Variants in DZIP1L observed in about 807,000 individuals in gnomAD.
DZIP1L encodes DAZ interacting zinc finger protein 1 like, also known as cilium assembly protein DZIP1L.
In DZIP1L, 90 loss-of-function variants were observed where a neutral mutation model predicts 88.7. The observed-to-expected ratio is 1.02, with a 90% CI of 0.86 to 1.21. The LOEUF is 1.21. DZIP1L is among the 50% of genes most tolerant of loss of function. DZIP1L has a pLI of 0.00. For missense variants in DZIP1L, 932 were observed against 955.8 expected, an observed-to-expected ratio of 0.98 and a Z score of 0.33; for synonymous variants, 363 against 372.1, an observed-to-expected ratio of 0.98 and a Z score of 0.28.
chr3:138,092,268 TCACAGTGTTTTAGCTTC>T, intron 5 of DZIP1L, 98 bp downstream of exon 5: 3 of 1,192,022 alleles, frequency 2.5e-6, no homozygotes, highest in Admixed American at 3.5e-5. Context: ...ATAACTGGCC[TCACAGTGTTTTAGCTTC>T]CAACAGCAGA....
rs1378661211 is a variant in DZIP1L at position 138,103,855 on chromosome 3, G to A, written c.117C>T (p.Ser39=). 1 of 1,614,130 alleles carries A rather than the reference G, an allele frequency of 6.2e-7. No individual in the cohort carries two copies. Among genetic ancestry groups the A allele is most frequent in the Non-Finnish European group, 8.5e-7 (1 of 1,180,044 alleles). Reference sequence around the variant, plus strand: ...GGGCCACGCGGTCTACATCCAGGGTGCTAATGCGTCTCCAGTCCATGCTAT... The same window carrying A: ...GGGCCACGCGGTCTACATCCAGGGTACTAATGCGTCTCCAGTCCATGCTAT... ...RHDSMDWRRI[S]TLDVDRVARE... The change falls in exon 2 of 16, where the codon AGC becomes AGT. Residue 39 remains serine (S), a synonymous_variant. Transcript: ENST00000327532.
chr3:138,069,062 T>C, intron 12 of DZIP1L: 1 of 1,196,478 alleles, frequency 8.4e-7, no homozygotes, highest in South Asian at 2.0e-5. Context: ...CGAAACAACG[T>C]GGGGTTGAAC....
chr3:138,090,417 T>C (rs1246757059), intron 5 of DZIP1L, among the ~76,000 whole-genome samples: 1 of 152,154 alleles, frequency 6.6e-6, no homozygotes, highest in Non-Finnish European at 1.5e-5. Flanking sequence ...TCAGGAGATG[T>C]TTGCATGTGC....
chr3:138,064,625 T>C lies in DZIP1L; in HGVS notation c.2142+3A>G. 6.2e-7 allele frequency: 1 copy of C among 1,614,130 alleles called. No homozygotes were observed. Among genetic ancestry groups the C allele is most frequent in the Middle Eastern group, 1.6e-4 (1 of 6,062 alleles). The stretch of plus-strand genomic sequence containing the variant: ...AGTAAACTCTAAGCATCCTACATCC[T>C]ACCTGAGGCTTCCTTCCTGGTGTGG... On this transcript the variant is annotated splice_donor_region_variant and intron_variant, in intron 15 of 15. Transcript: ENST00000327532.
intron 7 of DZIP1L, among the ~76,000 whole-genome samples, chr3:138,085,846 T>C (rs1943906198): frequency 6.6e-6 from 1 of 152,142 alleles, no homozygotes; most frequent in Non-Finnish European, 1.5e-5. Context: ...AGCAAAGACT[T>C]GGAACCAACC....
At chr3:138,067,403 A>C in intron 14 of DZIP1L, 128 bp downstream of exon 14, 17 of 1,098,828 alleles carry the variant, frequency 1.5e-5, no homozygotes, top group South Asian at 3.9e-5. Context: ...CAAGCCAAAT[A>C]GAGAAAGAGA....
intron 1 of DZIP1L, chr3:138,112,422 GT>G (rs1299933504): frequency 6.6e-6 from 1 of 152,160 alleles, no homozygotes; most frequent in East Asian, 1.9e-4. Flanking sequence ...TCACCACAGG[GT>G]TAGTGTTGGG....
In DZIP1L at chr3:138,069,356, G is replaced by A. The variant is rs1319087043; in HGVS notation, c.1616-989C>T. Among the ~76,000 whole-genome samples the A allele has an allele frequency of 3.9e-5, 6 of 151,984 alleles. No homozygotes were observed. The East Asian group carries it at 5.8e-4, about 15-fold the overall frequency. On this transcript the variant is annotated intron_variant, in intron 12 of 15. Transcript: ENST00000327532. The stretch of plus-strand genomic sequence containing the variant: ...ATGTGTGTTAATAGTCCATATTGTC[G>A]GTAAGACTTCTGGTCAACAGTAGGC...
intron 8 of DZIP1L, 149 bp downstream of exon 8, chr3:138,083,964 G>T: frequency 1.8e-6 from 2 of 1,131,936 alleles, no homozygotes; most frequent in Admixed American, 2.5e-5. Context: ...TTATCATTTT[G>T]TGCCCTTCAT....
intron 2 of DZIP1L, chr3:138,102,471 C>T: frequency 2.1e-6 from 3 of 1,427,922 alleles, no homozygotes; most frequent in Non-Finnish European, 2.0e-6. Flanking sequence ...TCTCCAGCTG[C>T]TGCCTAAGGT....
chr3:138,072,374 C>T (rs140133161), intron 11 of DZIP1L, among the ~76,000 whole-genome samples: 2 of 152,274 alleles, frequency 1.3e-5, no homozygotes, highest in East Asian at 3.9e-4. Flanking sequence ...GATGAGGATT[C>T]ATGCAAGGTT....
intron 2 of DZIP1L, chr3:138,101,934 C>T: frequency 6.7e-7 from 1 of 1,497,284 alleles, no homozygotes; most frequent in African/African-American, 1.4e-5. Flanking sequence ...CTGCGATGCC[C>T]TCTGGCCTTT....
chr3:138,062,714 G>T lies in DZIP1L; in HGVS notation c.*102C>A. On this transcript the variant is annotated 3_prime_UTR_variant, in exon 16 of 16. Transcript: ENST00000327532. ...TTCTCTCCAAGAGGATGATCTCTTG[G>T]TTGTTTGTGAAGACAAGAGGCCCAG... 7.5e-7 allele frequency: 1 copy of T among 1,329,072 alleles called. No individual in the cohort carries two copies. The highest frequency in any genetic ancestry group is 1.1e-6 in the Non-Finnish European group (1 of 944,148). The allele number at this position is 1,329,072 out of a possible 1,614,324, so 82.3% of individuals were successfully genotyped here.
intron 12 of DZIP1L, 123 bp downstream of exon 12, chr3:138,071,520 G>T: frequency 9.0e-7 from 1 of 1,117,094 alleles, no homozygotes; most frequent in Non-Finnish European, 1.2e-6. Flanking sequence ...TACCAGCTCA[G>T]CCCTTCAGAG....
At chr3:138,095,105 A>G (rs1480578314) in intron 3 of DZIP1L, 122 bp from the exon 4 acceptor site, 85 of 1,447,240 alleles carry the variant, frequency 5.9e-5, no homozygotes, top group Admixed American at 8.2e-5. Context: ...TAGTACGTTG[A>G]CATTGGGCAA....
intron 2 of DZIP1L, 71 bp downstream of exon 2, chr3:138,103,400 G>A (rs936908268): frequency 3.3e-6 from 5 of 1,509,630 alleles, no homozygotes; most frequent in Non-Finnish European, 4.5e-6. Flanking sequence ...GTGCTGCCCA[G>A]TGGCAACAGT....
At chr3:138,096,503 A>C (rs1944470503) in intron 3 of DZIP1L, among the ~76,000 whole-genome samples, 1 of 152,240 alleles carries the variant, frequency 6.6e-6, no homozygotes, top group Non-Finnish European at 1.5e-5. Flanking sequence ...AATGAAAATA[A>C]GCAATAGTCA....
chr3:138,097,685 GTGGTCACCACCCAC>G lies in DZIP1L; in HGVS notation c.586+64_586+77del, dbSNP rs113425355. 682 of 1,350,070 alleles carry G rather than the reference GTGGTCACCACCCAC, an allele frequency of 5.1e-4. 3 individuals carry two copies. The African/African-American group carries it at 8.6e-3, about 17-fold the overall frequency. The allele number at this position is 1,350,070 out of a possible 1,614,324, so 83.6% of individuals were successfully genotyped here. On this transcript the variant is annotated intron_variant, in intron 3 of 15. Coordinates refer to ENST00000327532, the MANE Select transcript of DZIP1L (RefSeq NM_173543.3). ...CTGAGAGCAGTTTTGGGTGCTATAG[GTGGTCACCACCCAC>G]TGAATACCAGCCCCAGCCCTTTCCA...
At chr3:138,084,623 T>G (rs1247330622) in intron 7 of DZIP1L, among the ~76,000 whole-genome samples, 1 of 152,210 alleles carries the variant, frequency 6.6e-6, no homozygotes, top group Admixed American at 6.5e-5. Context: ...AGTGAAAATA[T>G]TTATTAATAT....
Sources: allele counts gnomAD v4.1 joint callset (sites outside exome capture counted in the v4.1 genomes callset), GRCh38; gene constraint gnomAD v4.1.1; transcripts MANE v1.5; gene names NCBI Gene and HGNC (gene_info 2026-07-23, HGNC 2026-07-21).